Variants in HGFAC observed in about 807,000 individuals in gnomAD.
HGFAC encodes hepatocyte growth factor activator serine protease.
A neutral mutation model predicts 70.6 loss-of-function variants in HGFAC; 76 were observed. The ratio of observed to expected loss-of-function variants is 1.08; its 90% CI spans 0.89 to 1.30. The LOEUF (loss-of-function observed/expected upper bound fraction) is 1.30, where lower values mean the gene tolerates loss of function less well. HGFAC is among the 50% of genes most tolerant of loss of function. HGFAC has a pLI of 0.00. For synonymous variants in HGFAC, 464 were observed against 405.3 expected, an observed-to-expected ratio of 1.14 and a Z score of -1.74; for missense variants, 1,044 against 933.7, an observed-to-expected ratio of 1.12 and a Z score of -1.54.
chr4:3,447,420 G>T, intron 10 of HGFAC, 72 bp from the exon 11 acceptor site: 1 of 1,469,444 alleles, frequency 6.8e-7, no homozygotes, highest in Non-Finnish European at 9.3e-7. Context: ...GGGCCTGACA[G>T]GGGGTGGGGA....
chr4:3,447,120 C>A (rs933411365), intron 10 of HGFAC, among the ~76,000 whole-genome samples: 10 of 152,194 alleles, frequency 6.6e-5, no homozygotes, highest in African/African-American at 2.2e-4. Context: ...TCTGGGGACC[C>A]CACAATGTGG....
intron 13 of HGFAC, 143 bp from the exon 14 acceptor site, chr4:3,449,094 C>G: frequency 1.4e-6 from 1 of 731,198 alleles, no homozygotes; most frequent in Non-Finnish European, 2.2e-6. Context: ...AATGAGACAC[C>G]TTTTCATGAG....
chr4:3,448,397 C>T (rs1725608242), intron 13 of HGFAC, 121 bp downstream of exon 13: 2 of 1,216,466 alleles, frequency 1.6e-6, no homozygotes, highest in Admixed American at 2.4e-5. Context: ...GCAGGGCCAG[C>T]CAGGGACCCC....
At chr4:3,446,013 G>T (rs1236854099) in intron 9 of HGFAC, 29 bp from the exon 10 acceptor site, 2 of 1,604,848 alleles carry the variant, frequency 1.2e-6, no homozygotes, top group East Asian at 2.2e-5. Flanking sequence ...TGAACCCCAG[G>T]GGTGTGACCC....
chr4:3,441,112 G>A (rs1240430599), upstream of HGFAC, among the ~76,000 whole-genome samples: 1 of 152,152 alleles, frequency 6.6e-6, no homozygotes, highest in Non-Finnish European at 1.5e-5. The surrounding 1 kb of genome is among the most constrained non-coding windows in gnomAD (Gnocchi z 6.0). Flanking sequence ...TTGCAGAAGA[G>A]GTTCCTCAGG....
At position 3,446,107 on chromosome 4, in the gene HGFAC, G is replaced by A. The variant is rs1199377233; in HGVS notation, c.1168G>A (p.Gly390Arg). 6.2e-7 allele frequency: 1 copy of A among 1,610,608 alleles called. No homozygotes were observed. Among genetic ancestry groups the A allele is most frequent in the Non-Finnish European group, 8.5e-7 (1 of 1,179,220 alleles). ...GACCCTGCCTGAGCCAGCCTCCCCGGGGCGCCAGGCCTGCGGCAGGAGGCA... is the reference window on the plus strand; with the variant it reads ...GACCCTGCCTGAGCCAGCCTCCCCGAGGCGCCAGGCCTGCGGCAGGAGGCA... ...LATLPEPASP[G>R]RQACGRRHKK... Residue 390 changes from glycine (G) to arginine (R), a missense_variant, in exon 10 of 14, where the codon GGG (glycine) becomes AGG (arginine). Coordinates refer to ENST00000382774, the MANE Select transcript of HGFAC (RefSeq NM_001528.4).
chr4:3,444,961 C>G lies in HGFAC; in HGVS notation c.984C>G (p.Ala328=), dbSNP rs573243423. The G allele has an allele frequency of 6.2e-7, 1 of 1,603,406 alleles. No homozygotes were observed. Among genetic ancestry groups the G allele is most frequent in the South Asian group, 1.1e-5 (1 of 89,706 alleles). ...ELHVDSVGAA[A]LLGLGPHAYC... The stretch of plus-strand genomic sequence containing the variant: ...ACGTGGACTCCGTGGGCGCCGCGGC[C>G]CTGCTGGGCCTGGGCCCCCATGCCT... The change falls in exon 8 of 14, where the codon GCC becomes GCG. Residue 328 remains alanine (A), a synonymous_variant. Coordinates refer to ENST00000382774, the MANE Select transcript of HGFAC (RefSeq NM_001528.4).
intron 10 of HGFAC, 73 bp from the exon 11 acceptor site, chr4:3,447,419 A>AG: frequency 6.8e-7 from 1 of 1,467,094 alleles, no homozygotes; most frequent in Non-Finnish European, 9.3e-7. Context: ...TGGGCCTGAC[A>AG]GGGGGTGGGG....
At chr4:3,445,894 G>A in intron 9 of HGFAC, 148 bp from the exon 10 acceptor site, 1 of 1,548,692 alleles carries the variant, frequency 6.5e-7, no homozygotes, top group East Asian at 2.4e-5. Flanking sequence ...ACTGAGGGCA[G>A]AGGTGAGTGG....
chr4:3,448,177 C>T lies in HGFAC; in HGVS notation c.1686C>T (p.Val562=), dbSNP rs765704148. ...TGCGGGAGGCCCTGGTCCCCCTGGT[C>T]GCCGACCACAAGTGCAGCAGCCCTG... The part of the protein sequence containing the change: ...SSLREALVPL[V]ADHKCSSPEV... Residue 562 remains valine, a synonymous_variant, in exon 13 of 14, where the codon GTC becomes GTT. Transcript: ENST00000382774. 3.8e-5 allele frequency: 61 copies of T among 1,601,952 alleles called. No homozygotes were observed. Among genetic ancestry groups the T allele is most frequent in the East Asian group, 2.7e-4 (12 of 44,472 alleles).
intron 1 of HGFAC, 58 bp from the exon 2 acceptor site, chr4:3,442,674 C>T (rs1022648273): frequency 2.1e-5 from 26 of 1,261,358 alleles, no homozygotes; most frequent in African/African-American, 6.2e-5. Flanking sequence ...ACCTCCTGCC[C>T]GGCAGGACCT....
rs760016770 is a variant in HGFAC, at chr4:3,446,236, G to A, written c.1297G>A (p.Ala433Thr). The A allele has an allele frequency of 1.9e-5, 31 of 1,610,470 alleles. No individual in the cohort carries two copies. Among genetic ancestry groups the A allele is most frequent in the Middle Eastern group, 1.6e-4 (1 of 6,074 alleles). The change falls in exon 10 of 14, where the codon GCC becomes ACC. Residue 433 changes from alanine (A) to threonine (T), a missense_variant. Transcript: ENST00000382774. ...CATCTACATCGGGGACAGCTTCTGC[G>A]CCGGGAGCCTGGTCCACACCTGCTG... Reference protein sequence around the residue: ...AAIYIGDSFCAGSLVHTCWVV... With the variant: ...AAIYIGDSFCTGSLVHTCWVV...
Position 3,444,146 on chromosome 4 carries a change from A to T in HGFAC, c.583A>T (p.Lys195Ter). ...CAGCTGCCCCCGGGCCTTCACCGGC[A>T]AGGACTGCGGCACAGGTGAGCTGGG... ...HCSCPRAFTGKDCGTEKCFDE... is the reference protein window; with the variant it reads ...HCSCPRAFTG The change falls in exon 5 of 14, where the codon AAG becomes TAG. Residue 195 changes from lysine (K) to a stop codon, truncating the protein, a stop_gained. Transcript: ENST00000382774. LOFTEE classifies it high-confidence loss of function. 1 of 1,609,860 alleles carries T rather than the reference A, an allele frequency of 6.2e-7. No individual in the cohort carries two copies. Among genetic ancestry groups the T allele is most frequent in the Non-Finnish European group, 8.5e-7 (1 of 1,178,684 alleles).
intron 9 of HGFAC, 68 bp downstream of exon 9, chr4:3,445,418 C>T (rs1464705194): frequency 1.2e-5 from 13 of 1,091,544 alleles, no homozygotes; most frequent in Middle Eastern, 2.4e-4. Flanking sequence ...CCGTGATCCT[C>T]CTAGCCCCTC....
Position 3,444,907 on chromosome 4 carries a change from G to T in HGFAC, c.930G>T (p.Trp310Cys). 1 of 1,609,582 alleles carries T rather than the reference G, an allele frequency of 6.2e-7. No individual in the cohort carries two copies. The highest frequency in any genetic ancestry group is 8.5e-7 in the Non-Finnish European group (1 of 1,178,782). The change falls in exon 8 of 14, where the codon TGG becomes TGT. Residue 310 changes from tryptophan to cysteine, a missense_variant. Coordinates refer to ENST00000382774, the MANE Select transcript of HGFAC (RefSeq NM_001528.4). The stretch of plus-strand genomic sequence containing the variant: ...CCTCGGGCCTCAGCTGCCTGGCCTG[G>T]AACTCCGATCTGCTCTACCAGGAGC... ...TSASGLSCLA[W>C]NSDLLYQELH...
Position 3,445,086 on chromosome 4 carries a change from C to T in HGFAC, c.1016+93C>T, listed in dbSNP as rs901469941. 2.9e-6 allele frequency: 4 copies of T among 1,392,436 alleles called. No individual in the cohort carries two copies. In the African/African-American group the frequency reaches 4.3e-5, roughly 15 times the overall value. The allele number at this position is 1,392,436 out of a possible 1,614,324, so 86.3% of individuals were successfully genotyped here. The stretch of plus-strand genomic sequence containing the variant: ...CCGGCTCCCTAGGACCCAGGCGGGG[C>T]CAGCTCCGTCCAGACAGGCCCCGGA... On this transcript the variant is annotated intron_variant, in intron 8 of 13. Coordinates refer to ENST00000382774, the MANE Select transcript of HGFAC (RefSeq NM_001528.4).
chr4:3,449,477 T>C lies in HGFAC; in HGVS notation c.*58T>C. 1.4e-6 allele frequency: 2 copies of C among 1,469,506 alleles called. No homozygotes were observed. Among genetic ancestry groups the C allele is most frequent in the Non-Finnish European group, 9.1e-7 (1 of 1,101,506 alleles). The allele number at this position is 1,469,506 out of a possible 1,614,324, so 91.0% of individuals were successfully genotyped here. On this transcript the variant is annotated 3_prime_UTR_variant, in exon 14 of 14. Transcript: ENST00000382774. The stretch of plus-strand genomic sequence containing the variant: ...CCCTGCCTTGCTGACAATAAAGATA[T>C]TTCCAAGAACCCGGCCCACGCTGCC...
chr4:3,443,459 CACTGGG>C, intron 4 of HGFAC, 39 bp downstream of exon 4: 1 of 1,312,312 alleles, frequency 7.6e-7, no homozygotes, highest in Admixed American at 3.1e-5. Context: ...GGGCAGGGGG[CACTGGG>C]CCAGGCCAGA....
rs375061661 is a variant in HGFAC, at chr4:3,447,480, C to A, written c.1356-12C>A. The A allele has an allele frequency of 5.9e-4, 946 of 1,612,088 alleles. 4 individuals are homozygous for A. The highest frequency in any genetic ancestry group is 4.1e-3 in the East Asian group (182 of 44,860). Reference sequence around the variant, plus strand: ...GGGCTGGTCCATGCAGCCTCCAGCCCCCCTTGCACAGCCCCCCCAGGGACA... The same window carrying A: ...GGGCTGGTCCATGCAGCCTCCAGCCACCCTTGCACAGCCCCCCCAGGGACA... On this transcript the variant is annotated splice_polypyrimidine_tract_variant and intron_variant, in intron 10 of 13. Transcript: ENST00000382774.
Sources: allele counts gnomAD v4.1 joint callset (sites outside exome capture counted in the v4.1 genomes callset), GRCh38; gene constraint gnomAD v4.1.1; non-coding constraint Gnocchi (gnomAD v3.1); transcripts MANE v1.5; gene names NCBI Gene and HGNC (gene_info 2026-07-23, HGNC 2026-07-21).